Variants in RBFOX1 observed in about 807,000 individuals in gnomAD.
The protein encoded by RBFOX1 is RNA binding fox-1 homolog 1, also known as RNA binding protein fox-1 homolog 1.
In RBFOX1, 8 loss-of-function variants were observed where a neutral mutation model predicts 57.7. That is an observed-to-expected ratio of 0.14 (90% CI 0.08 to 0.25). The LOEUF (loss-of-function observed/expected upper bound fraction) is 0.25, where lower values mean the gene tolerates loss of function less well. Ranked by LOEUF, RBFOX1 falls within the 10% of genes least tolerant of loss-of-function variation. The pLI is 1.00. For synonymous variants in RBFOX1, 326 were observed against 222.4 expected, an observed-to-expected ratio of 1.47 and a Z score of -4.15; for missense variants, 611 against 548.5, an observed-to-expected ratio of 1.11 and a Z score of -1.14.
intron 4 of RBFOX1, among the ~76,000 whole-genome samples, chr16:7,122,210 A>G (rs545167233): frequency 6.6e-6 from 1 of 152,318 alleles, no homozygotes; most frequent in Non-Finnish European, 1.5e-5. Flanking sequence ...TAAAAGAAAG[A>G]AAATACAAGA....
chr16:5,800,376 G>C (rs916586922), intron 3 of RBFOX1, among the ~76,000 whole-genome samples: 3 of 152,182 alleles, frequency 2.0e-5, no homozygotes, highest in Non-Finnish European at 2.9e-5. Flanking sequence ...GCAAACCAGG[G>C]TGGGACATCC....
At chr16:5,698,341 AT>A (rs374212592) in intron 3 of RBFOX1, among the ~76,000 whole-genome samples, 4 of 152,132 alleles carry the variant, frequency 2.6e-5, no homozygotes, top group African/African-American at 9.6e-5. Flanking sequence ...TTTACCTGTA[AT>A]TTTTTGCTTT....
chr16:7,120,836 C>CACACACACACACACACACACACAT (rs1567336816), intron 4 of RBFOX1, among the ~76,000 whole-genome samples: 14 of 140,786 alleles, frequency 9.9e-5, no homozygotes, highest in East Asian at 3.9e-4. Flanking sequence ...TATATACACA[C>CACACACACACACACACACACACAT]ACACACACAC....
At chr16:5,868,023 C>T (rs9925007) in intron 4 of RBFOX1, among the ~76,000 whole-genome samples, 142,186 of 151,832 alleles carry the variant, frequency 0.94, 66,463 homozygotes, top group East Asian at 1. Context: ...GTTTTTCTTT[C>T]TCTACTCAGT....
At chr16:7,158,829 C>G (rs1188161040) in intron 4 of RBFOX1, among the ~76,000 whole-genome samples, 1 of 149,932 alleles carries the variant, frequency 6.7e-6, no homozygotes, top group Admixed American at 6.7e-5. Flanking sequence ...AGTGTCAGCA[C>G]TTGTTTGTAT....
At chr16:7,458,293 G>A (rs1057512153) in intron 4 of RBFOX1, among the ~76,000 whole-genome samples, 2 of 152,120 alleles carry the variant, frequency 1.3e-5, no homozygotes, top group Non-Finnish European at 2.9e-5. Context: ...TTATGTGATT[G>A]TGTGTCTCTC....
chr16:5,600,517 T>G (rs1384943193), downstream of RBFOX1, among the ~76,000 whole-genome samples: 6 of 149,614 alleles, frequency 4.0e-5, no homozygotes, highest in Admixed American at 6.7e-5. Flanking sequence ...AAAGTCTGCT[T>G]GGCCCTGGGC....
At chr16:7,042,240 G>C (rs917676106) in intron 3 of RBFOX1, among the ~76,000 whole-genome samples, 2 of 152,196 alleles carry the variant, frequency 1.3e-5, no homozygotes, top group East Asian at 1.9e-4. Context: ...GGGCACAGTA[G>C]CTAATGAGCA....
At chr16:6,876,242 C>T (rs1328390151) in intron 3 of RBFOX1, among the ~76,000 whole-genome samples, 1 of 152,080 alleles carries the variant, frequency 6.6e-6, no homozygotes, top group East Asian at 1.9e-4. Context: ...ATCTTAGATT[C>T]CTGACATCCA....
chr16:6,053,529 A>T (rs2095578620), intron 1 of RBFOX1, among the ~76,000 whole-genome samples: 1 of 152,212 alleles, frequency 6.6e-6, no homozygotes, highest in South Asian at 2.1e-4. Context: ...AAATCAAGAA[A>T]ATTCCCATGT....
At chr16:6,358,872 C>T (rs1025268895) in intron 2 of RBFOX1, among the ~76,000 whole-genome samples, 4 of 152,164 alleles carry the variant, frequency 2.6e-5, no homozygotes, top group South Asian at 2.1e-4. Flanking sequence ...TGCTGTTTGA[C>T]GAAGATTTAT....
At chr16:6,804,925 T>C (rs2086370077) in intron 3 of RBFOX1, among the ~76,000 whole-genome samples, 1 of 152,184 alleles carries the variant, frequency 6.6e-6, no homozygotes, top group Non-Finnish European at 1.5e-5. Context: ...ATTCAAAGAC[T>C]TCTCATATGC....
At chr16:7,610,118 C>CGTTTTTTTTTTTTTTT (rs71394327) in intron 10 of RBFOX1, among the ~76,000 whole-genome samples, 1 of 65,622 alleles carries the variant, frequency 1.5e-5, no homozygotes, top group East Asian at 3.4e-4. Context: ...GCCCGGCCCC[C>CGTTTTTTTTTTTTTTT]TTTTTTTTTT....
At chr16:5,529,900 C>T (rs1597412478) in intron 2 of RBFOX1, among the ~76,000 whole-genome samples, 2 of 151,024 alleles carry the variant, frequency 1.3e-5, no homozygotes, top group African/African-American at 2.4e-5. Flanking sequence ...TATTTAGACA[C>T]AGGGAGAGAA....
chr16:6,414,116 G>C (rs1435656505), intron 2 of RBFOX1, among the ~76,000 whole-genome samples: 1 of 152,168 alleles, frequency 6.6e-6, no homozygotes, highest in East Asian at 1.9e-4. Context: ...TGCCTCCCAA[G>C]AGAGCCAGCA....
chr16:7,311,853 A>G (rs1209789962), intron 4 of RBFOX1, among the ~76,000 whole-genome samples: 1 of 152,248 alleles, frequency 6.6e-6, no homozygotes, highest in African/African-American at 2.4e-5. Context: ...TATGTAGGAC[A>G]GAAGTCATGA....
At chr16:6,420,400 G>T (rs1443448072) in intron 2 of RBFOX1, among the ~76,000 whole-genome samples, 2 of 151,924 alleles carry the variant, frequency 1.3e-5, no homozygotes, top group East Asian at 3.9e-4. Flanking sequence ...CATTTTCTGT[G>T]ATGCACTTTA....
chr16:5,371,243 C>T (rs905033879), intron 1 of RBFOX1, among the ~76,000 whole-genome samples: 4 of 152,170 alleles, frequency 2.6e-5, no homozygotes, highest in Non-Finnish European at 5.9e-5. Context: ...CCCCCTGTGC[C>T]CAGCCAGAAT....
At chr16:6,369,326 T>C (rs2090105682) in intron 2 of RBFOX1, among the ~76,000 whole-genome samples, 2 of 152,216 alleles carry the variant, frequency 1.3e-5, no homozygotes, top group African/African-American at 4.8e-5. Context: ...TCTGCTGAAC[T>C]TGCTGGGTCG....
Sources: allele counts gnomAD v4.1 joint callset (sites outside exome capture counted in the v4.1 genomes callset), GRCh38; gene constraint gnomAD v4.1.1; transcripts MANE v1.5; gene names NCBI Gene and HGNC (gene_info 2026-07-23, HGNC 2026-07-21).